The following ALK variants were observed in gnomAD, a reference collection of about 807,000 sequenced individuals.
ALK encodes the protein ALK tyrosine kinase receptor.
ALK carries 74 observed loss-of-function variants against 163.1 expected under a neutral mutation model. The ratio of observed to expected loss-of-function variants is 0.45; its 90% CI spans 0.38 to 0.55. The LOEUF is 0.55. Among genes scored for constraint, ALK ranks in the 20% least tolerant of loss-of-function variants. The pLI is 0.00. For missense variants in ALK, 2,063 were observed against 2,105.3 expected (o/e 0.98, Z 0.39); for synonymous variants, 960 against 843.2 (o/e 1.14, Z -2.40).
At chr2:29,245,877 T>C (rs1187513046) in intron 12 of ALK, among the ~76,000 whole-genome samples, 2 of 152,106 alleles carry the variant, frequency 1.3e-5, no homozygotes, top group Non-Finnish European at 2.9e-5. Context: ...CTGCACACAG[T>C]AGGGCTTCAT....
At chr2:29,759,798 T>C (rs968682861) in intron 1 of ALK, among the ~76,000 whole-genome samples, 1 of 152,226 alleles carries the variant, frequency 6.6e-6, no homozygotes, top group African/African-American at 2.4e-5. Flanking sequence ...AATAGGTCAC[T>C]GCTTCCAACG....
intron 4 of ALK, among the ~76,000 whole-genome samples, chr2:29,521,811 A>G (rs748376667): frequency 1.3e-5 from 2 of 152,164 alleles, no homozygotes; most frequent in African/African-American, 2.4e-5. Flanking sequence ...CATCTCCTCA[A>G]TGCAGACTTG....
chr2:29,370,705 C>A (rs1037081616), intron 5 of ALK, among the ~76,000 whole-genome samples: 2 of 152,164 alleles, frequency 1.3e-5, no homozygotes, highest in Middle Eastern at 3.2e-3. Context: ...GCTGGCCCTT[C>A]CTGTTAATTA....
intron 1 of ALK, among the ~76,000 whole-genome samples, chr2:29,900,760 C>T (rs1667390997): frequency 6.6e-6 from 1 of 152,192 alleles, no homozygotes; most frequent in South Asian, 2.1e-4. Flanking sequence ...TCACTCTCCT[C>T]ATCCTTTAAC....
At chr2:29,577,989 G>T (rs1165366446) in intron 3 of ALK, among the ~76,000 whole-genome samples, 1 of 140,688 alleles carries the variant, frequency 7.1e-6, no homozygotes, top group Admixed American at 6.9e-5. Flanking sequence ...CTTTCCTCTA[G>T]GTAAAGAGGA....
chr2:29,587,968 G>A (rs1573479522), intron 3 of ALK, among the ~76,000 whole-genome samples: 2 of 152,162 alleles, frequency 1.3e-5, no homozygotes, highest in East Asian at 3.9e-4. Flanking sequence ...CTTGGGCCAA[G>A]ACATGCCTCT....
intron 1 of ALK, among the ~76,000 whole-genome samples, chr2:29,818,473 G>T (rs1323537563): frequency 6.6e-6 from 1 of 152,250 alleles, no homozygotes; most frequent in Non-Finnish European, 1.5e-5. Context: ...CCGGCCCGGC[G>T]CGTGCCTTGC....
intron 1 of ALK, among the ~76,000 whole-genome samples, chr2:29,842,235 A>G (rs1458077316): frequency 6.6e-6 from 1 of 152,204 alleles, no homozygotes. Flanking sequence ...TATTATATCT[A>G]TGAAAGACCC....
chr2:29,700,899 C>T (rs1246221569), intron 2 of ALK, among the ~76,000 whole-genome samples: 1 of 152,196 alleles, frequency 6.6e-6, no homozygotes, highest in African/African-American at 2.4e-5. Flanking sequence ...ACACTCTGAA[C>T]CTGAGGGTGG....
At chr2:29,367,946 C>T (rs1668547186) in intron 5 of ALK, among the ~76,000 whole-genome samples, 1 of 152,182 alleles carries the variant, frequency 6.6e-6, no homozygotes, top group African/African-American at 2.4e-5. Context: ...ATTTCCTACT[C>T]AGCTTTGTGT....
At chr2:29,320,910 A>T (rs896825819) in intron 6 of ALK, 28 bp from the exon 7 acceptor site, 2 of 1,614,092 alleles carry the variant, frequency 1.2e-6, no homozygotes, top group Admixed American at 3.3e-5. Context: ...AGGCACCATC[A>T]TTTTCAGGAC....
At chr2:29,293,737 C>G (rs1056576921) in intron 9 of ALK, among the ~76,000 whole-genome samples, 2 of 152,116 alleles carry the variant, frequency 1.3e-5, no homozygotes, top group African/African-American at 2.4e-5. Flanking sequence ...TAGCGCTGGA[C>G]AGATCACACA....
chr2:29,882,549 C>T (rs1401662993), intron 1 of ALK, among the ~76,000 whole-genome samples: 1 of 152,100 alleles, frequency 6.6e-6, no homozygotes, highest in Non-Finnish European at 1.5e-5. Context: ...CAAAAATTAG[C>T]TGGGTGTGGT....
chr2:29,443,018 C>G (rs1352470331), intron 4 of ALK, among the ~76,000 whole-genome samples: 2 of 152,182 alleles, frequency 1.3e-5, no homozygotes, highest in Admixed American at 6.5e-5. Context: ...TCCTGTGTGT[C>G]CTGCTCAAAG....
At chr2:29,467,517 T>TA in intron 4 of ALK, among the ~76,000 whole-genome samples, 1 of 152,288 alleles carries the variant, frequency 6.6e-6, no homozygotes, top group South Asian at 2.1e-4. Flanking sequence ...CATTCTCTAT[T>TA]AATTCTGGTT....
At chr2:29,562,749 C>G (rs551796921) in intron 3 of ALK, among the ~76,000 whole-genome samples, 18 of 152,328 alleles carry the variant, frequency 1.2e-4, no homozygotes, top group Admixed American at 7.8e-4. Context: ...AGACTGTCTA[C>G]AGAGAAGGAA....
At chr2:29,235,465 G>A (rs1291791183) in intron 13 of ALK, among the ~76,000 whole-genome samples, 1 of 152,078 alleles carries the variant, frequency 6.6e-6, no homozygotes, top group African/African-American at 2.4e-5. Context: ...TCTTAGAGTG[G>A]ATCTAGTGTG....
At chr2:29,567,879 G>T (rs560475025) in intron 3 of ALK, among the ~76,000 whole-genome samples, 1 of 152,156 alleles carries the variant, frequency 6.6e-6, no homozygotes, top group Non-Finnish European at 1.5e-5. Context: ...GCCTATTAGC[G>T]TTAAATACTA....
In ALK at chr2:29,209,806, C is replaced by T. The variant is rs748365353; in HGVS notation, c.3816G>A (p.Gly1272=). 4 of 1,614,104 alleles carry T rather than the reference C, an allele frequency of 2.5e-6. No homozygotes were observed. The highest frequency in any genetic ancestry group is 2.5e-6 in the Non-Finnish European group (3 of 1,180,016). Residue 1272 remains glycine, a synonymous_variant, in exon 25 of 29, where the codon GGG becomes GGA. Coordinates refer to ENST00000389048, the MANE Select transcript of ALK (RefSeq NM_004304.5). ...CTCACCTGTAGATGTCTCGGGCCAT[C>T]CCGAAGTCTCCAATCTTGGCCACTC... ...PGRVAKIGDF[G]MARDIYRASY...
Sources: allele counts gnomAD v4.1 joint callset (sites outside exome capture counted in the v4.1 genomes callset), GRCh38; gene constraint gnomAD v4.1.1; transcripts MANE v1.5; gene names NCBI Gene and HGNC (gene_info 2026-07-23, HGNC 2026-07-21).